The following KCNQ5 variants were observed in gnomAD, a reference collection of about 807,000 sequenced individuals.
KCNQ5 encodes potassium voltage-gated channel subfamily Q member 5, also known as potassium voltage-gated channel subfamily KQT member 5.
KCNQ5 carries 30 observed loss-of-function variants against 98.2 expected under a neutral mutation model. The observed-to-expected ratio is 0.31, with a 90% confidence interval of 0.23 to 0.41. The LOEUF (loss-of-function observed/expected upper bound fraction) is 0.41. Ranked by LOEUF, KCNQ5 falls within the 10% of genes least tolerant of loss-of-function variation. The pLI is 1.00. For synonymous variants in KCNQ5, 458 were observed against 449.4 expected (o/e 1.02, Z -0.24); for missense variants, 835 against 1,182.5 (o/e 0.71, Z 4.31).
At chr6:73,152,476 G>T (rs943595843) in intron 10 of KCNQ5, among the ~76,000 whole-genome samples, 1 of 151,820 alleles carries the variant, frequency 6.6e-6, no homozygotes, top group African/African-American at 2.4e-5. Context: ...TTGACTAAGG[G>T]TTCTTTTATT....
intron 2 of KCNQ5, among the ~76,000 whole-genome samples, chr6:73,036,002 T>A (rs1422329270): frequency 6.7e-6 from 1 of 149,812 alleles, no homozygotes; most frequent in African/African-American, 2.5e-5. Context: ...TGTGTGTGTG[T>A]GTGTGTGTGT....
intron 3 of KCNQ5, among the ~76,000 whole-genome samples, chr6:73,058,316 G>T (rs992112434): frequency 1.3e-5 from 2 of 152,170 alleles, no homozygotes; most frequent in Non-Finnish European, 2.9e-5. Flanking sequence ...GGAGGCTGAG[G>T]CAGGAGAATG....
Position 73,042,857 on chromosome 6 carries a change from G to A in KCNQ5, c.616+795G>A, listed in dbSNP as rs558263497. 3.8e-4 allele frequency among the ~76,000 whole-genome samples: 57 copies of A among 151,966 alleles called. 1 individual carries two copies. In the South Asian group the frequency reaches 0.012, roughly 32 times the overall value. On this transcript the variant is annotated intron_variant, in intron 3 of 13. Transcript: ENST00000370398. ...AAAATGGAAAAGTCTATATATAAAA[G>A]CTATTATTATTATTATTTAGTAGCT...
intron 1 of KCNQ5, among the ~76,000 whole-genome samples, chr6:72,836,390 TA>T (rs1776501914): frequency 6.6e-6 from 1 of 152,188 alleles, no homozygotes; most frequent in Admixed American, 6.5e-5. Flanking sequence ...TTGTATTTAT[TA>T]GAGCAAAACT....
chr6:73,161,285 T>C (rs1777607330), intron 10 of KCNQ5, among the ~76,000 whole-genome samples: 1 of 152,140 alleles, frequency 6.6e-6, no homozygotes, highest in Non-Finnish European at 1.5e-5. Flanking sequence ...GAGCTTAGAC[T>C]GGTGGTTTCC....
intron 1 of KCNQ5, among the ~76,000 whole-genome samples, chr6:72,630,020 T>C (rs1344035562): frequency 6.6e-6 from 1 of 152,216 alleles, no homozygotes; most frequent in Non-Finnish European, 1.5e-5. Flanking sequence ...TTTTTCATCA[T>C]ATACATTTGT....
At chr6:72,758,155 A>G (rs956323610) in intron 1 of KCNQ5, among the ~76,000 whole-genome samples, 7 of 151,954 alleles carry the variant, frequency 4.6e-5, no homozygotes, top group African/African-American at 9.7e-5. Context: ...CAAGCAGAAG[A>G]TAAGAAAGAA....
chr6:72,957,931 C>A (rs986484120), intron 1 of KCNQ5, among the ~76,000 whole-genome samples: 1 of 152,016 alleles, frequency 6.6e-6, no homozygotes, highest in Non-Finnish European at 1.5e-5. Flanking sequence ...TTAAGTCTTA[C>A]AAATTATAAA....
chr6:72,809,828 C>T (rs78033378), intron 1 of KCNQ5, among the ~76,000 whole-genome samples: 317 of 152,286 alleles, frequency 2.1e-3, no homozygotes, highest in African/African-American at 6.5e-3. Flanking sequence ...GATGTGCCCT[C>T]GATGTGGTCT....
chr6:73,028,137 T>A (rs967089910), intron 2 of KCNQ5, among the ~76,000 whole-genome samples: 8 of 152,118 alleles, frequency 5.3e-5, no homozygotes, highest in African/African-American at 1.9e-4. Context: ...GGGGGAAAAA[T>A]GCTTGCTTTA....
At chr6:73,095,559 G>A (rs1262361658) in intron 5 of KCNQ5, among the ~76,000 whole-genome samples, 1 of 152,164 alleles carries the variant, frequency 6.6e-6, no homozygotes, top group African/African-American at 2.4e-5. Flanking sequence ...GGCTCTGTCA[G>A]AGGGAAGATC....
At chr6:72,866,252 CTTTTTTTTTT>C (rs34839143) in intron 1 of KCNQ5, among the ~76,000 whole-genome samples, 1 of 113,768 alleles carries the variant, frequency 8.8e-6, no homozygotes, top group Non-Finnish European at 1.7e-5. Context: ...CGCCATCTCC[CTTTTTTTTTT>C]TTTTTTTTTT....
chr6:72,808,226 T>C (rs1260478457), intron 1 of KCNQ5, among the ~76,000 whole-genome samples: 1 of 152,166 alleles, frequency 6.6e-6, no homozygotes, highest in Non-Finnish European at 1.5e-5. Context: ...AAGAAGTTGT[T>C]ACGATTTTGA....
intron 1 of KCNQ5, among the ~76,000 whole-genome samples, chr6:72,818,695 T>C (rs1429423548): frequency 6.6e-6 from 1 of 151,448 alleles, no homozygotes; most frequent in African/African-American, 2.4e-5. Context: ...ATTTTGGAAC[T>C]TTTAATAACA....
At chr6:72,824,862 T>A (rs1272095446) in intron 1 of KCNQ5, among the ~76,000 whole-genome samples, 1 of 152,100 alleles carries the variant, frequency 6.6e-6, no homozygotes, top group Non-Finnish European at 1.5e-5. Context: ...TAAATAGTCA[T>A]CCCACTTATT....
chr6:72,961,951 C>G (rs561705032), intron 1 of KCNQ5, among the ~76,000 whole-genome samples: 2 of 151,716 alleles, frequency 1.3e-5, no homozygotes, highest in African/African-American at 2.4e-5. Flanking sequence ...CCAAGGCGGG[C>G]AGATCCCTTG....
At chr6:72,889,385 A>G (rs1019812163) in intron 1 of KCNQ5, among the ~76,000 whole-genome samples, 5 of 152,230 alleles carry the variant, frequency 3.3e-5, no homozygotes, top group South Asian at 2.1e-4. Flanking sequence ...TCAACAGCAT[A>G]TAACTGATGC....
At chr6:73,082,947 T>A (rs1386869706) in intron 5 of KCNQ5, among the ~76,000 whole-genome samples, 2 of 150,914 alleles carry the variant, frequency 1.3e-5, no homozygotes, top group African/African-American at 4.9e-5. Flanking sequence ...TTGCAGTGCA[T>A]TGGTGCATTT....
intron 11 of KCNQ5, among the ~76,000 whole-genome samples, chr6:73,187,295 G>A (rs938965950): frequency 2.6e-5 from 4 of 152,016 alleles, no homozygotes; most frequent in Non-Finnish European, 4.4e-5. Flanking sequence ...TCCTGACCTC[G>A]TGATCCACCC....
Sources: allele counts gnomAD v4.1 joint callset (sites outside exome capture counted in the v4.1 genomes callset), GRCh38; gene constraint gnomAD v4.1.1; transcripts MANE v1.5; gene names NCBI Gene and HGNC (gene_info 2026-07-23, HGNC 2026-07-21).